SRSF3: variants seen among roughly 807,000 people sequenced by gnomAD.
The protein encoded by SRSF3 is serine/arginine-rich splicing factor 3.
For missense variants in SRSF3, 58 were observed against 217.1 expected, an observed-to-expected ratio of 0.27 and a Z score of 4.61; for synonymous variants, 87 against 73.6, an observed-to-expected ratio of 1.18 and a Z score of -0.93.
chr6:36,595,455 C>A (rs1009465012), intron 1 of SRSF3, among the ~76,000 whole-genome samples: 6 of 152,132 alleles, frequency 3.9e-5, no homozygotes, highest in African/African-American at 1.4e-4. Context: ...TCCGTCACCT[C>A]CCCCCGCAGG....
At chr6:36,598,164 A>G (rs564692274) in intron 2 of SRSF3, among the ~76,000 whole-genome samples, 1 of 152,358 alleles carries the variant, frequency 6.6e-6, no homozygotes, top group East Asian at 1.9e-4. Context: ...TCAAGGGAAG[A>G]AATCATAATG....
At chr6:36,597,954 C>T (rs1778659676) in intron 2 of SRSF3, among the ~76,000 whole-genome samples, 1 of 152,052 alleles carries the variant, frequency 6.6e-6, no homozygotes, top group Non-Finnish European at 1.5e-5. Context: ...CTCAGCCTCT[C>T]TGAGTGCTGG....
chr6:36,598,250 T>C (rs142400845), intron 2 of SRSF3, among the ~76,000 whole-genome samples: 16 of 152,370 alleles, frequency 1.1e-4, no homozygotes, highest in African/African-American at 3.8e-4. Flanking sequence ...AAATTAACAT[T>C]GAGCTCAGTA....
rs377627108 is a variant in SRSF3, at chr6:36,597,803, C to CTTTTT, written c.206+847_206+851dup. Among the ~76,000 whole-genome samples the CTTTTT allele has an allele frequency of 3.7e-3, 480 of 131,220 alleles. 1 individual carries two copies. Among genetic ancestry groups the CTTTTT allele is most frequent in the African/African-American group, 0.012 (442 of 35,566 alleles). 86.1% of individuals were successfully genotyped at this position (131,220 alleles called of 152,430 possible). A position where few individuals can be genotyped will look rare whatever the true frequency, so the allele number is the denominator to read the frequency against. ...TGTATTAAGGGTGAGGAATAATGGT[C>CTTTTT]TTTTTTTTTTTTTTTTACTACTGTG... On this transcript the variant is annotated intron_variant, in intron 2 of 5. Transcript: ENST00000373715.
chr6:36,595,837 G>A (rs1338130685), intron 1 of SRSF3, among the ~76,000 whole-genome samples: 1 of 152,074 alleles, frequency 6.6e-6, no homozygotes, highest in Non-Finnish European at 1.5e-5. Flanking sequence ...TTTTTACCGC[G>A]TAAGACTCTG....
rs1226727715 is a variant in SRSF3, at chr6:36,602,579, A to G, written c.*590A>G. 2.3e-5 allele frequency: 5 copies of G among 218,274 alleles called. No homozygotes were observed. Among genetic ancestry groups the G allele is most frequent in the African/African-American group, 4.5e-5 (2 of 44,514 alleles). 13.5% of individuals were successfully genotyped at this position (218,274 alleles called of 1,614,324 possible). A position where few individuals can be genotyped will look rare whatever the true frequency, so the allele number is the denominator to read the frequency against. On this transcript the variant is annotated 3_prime_UTR_variant, in exon 6 of 6. Transcript: ENST00000373715. ...CTTTGCTTTAGGTCATAAGTTCCTT[A>G]TTTGATTGCTGTATATGGATACATG... is the stretch of plus-strand genomic sequence containing the variant.
chr6:36,597,026 C>T (rs1778640557), intron 2 of SRSF3, 58 bp downstream of exon 2: 2 of 1,512,748 alleles, frequency 1.3e-6, no homozygotes, highest in Admixed American at 3.4e-5. Context: ...TATTTAAAAT[C>T]TACAGGATAT....
rs1331251812 is a variant in SRSF3, at chr6:36,604,444, TA to T, written c.*2456del. Reference sequence around the variant, plus strand: ...CCCAACATGGCAAGATTCACATTTCTATTAAAAGGAATATTTAGTTTGATCT... The same window carrying T: ...CCCAACATGGCAAGATTCACATTTCTTTAAAAGGAATATTTAGTTTGATCT... On this transcript the variant is annotated 3_prime_UTR_variant, in exon 6 of 6. Coordinates refer to ENST00000373715, the MANE Select transcript of SRSF3 (RefSeq NM_003017.5). 1 of 189,148 alleles carries T rather than the reference TA, an allele frequency of 5.3e-6. No homozygotes were observed. Among genetic ancestry groups the T allele is most frequent in the Non-Finnish European group, 1.1e-5 (1 of 89,976 alleles). The allele number at this position is 189,148 out of a possible 1,614,324, so 11.7% of individuals were successfully genotyped here. A position where few individuals can be genotyped will look rare whatever the true frequency, so the allele number is the denominator to read the frequency against.
intron 1 of SRSF3, chr6:36,594,769 T>C: frequency 6.6e-6 from 1 of 151,554 alleles, no homozygotes; most frequent in Admixed American, 6.6e-5. Flanking sequence ...ACGGCCTTTT[T>C]ATTTTTATGG....
intron 2 of SRSF3, 125 bp from the exon 3 acceptor site, chr6:36,598,724 T>G (rs968620872): frequency 1.7e-6 from 2 of 1,160,746 alleles, no homozygotes; most frequent in African/African-American, 3.1e-5. Flanking sequence ...GCTAGAAATT[T>G]GATGTTAAAT....
At position 36,601,252 on chromosome 6, in the gene SRSF3, C is replaced by CT. The variant is rs1196501602; in HGVS notation, c.380+66dup. ...TGGCAGTGTTTCTGCTATTCCTAAA[C>CT]TTTTCCAGGTGGCTTAGTTAATGGG... On this transcript the variant is annotated intron_variant, in intron 4 of 5. Transcript: ENST00000373715. 3 of 1,567,550 alleles carry CT rather than the reference C, an allele frequency of 1.9e-6. No individual in the cohort carries two copies. In the East Asian group the frequency reaches 6.8e-5, roughly 35 times the overall value.
In SRSF3 at chr6:36,601,137, T is replaced by A. The variant is rs1259674503; in HGVS notation, c.342-15T>A. 1 of 1,612,688 alleles carries A rather than the reference T, an allele frequency of 6.2e-7. No homozygotes were observed. The highest frequency in any genetic ancestry group is 8.5e-7 in the Non-Finnish European group (1 of 1,179,486). On this transcript the variant is annotated splice_polypyrimidine_tract_variant and intron_variant, in intron 3 of 5. Transcript: ENST00000373715. ...TAATTGATGATGAGCCTAATTTTCCTGTTTCTGCTTTTAGATCTCCAAGAA... is the reference window on the plus strand; with the variant it reads ...TAATTGATGATGAGCCTAATTTTCCAGTTTCTGCTTTTAGATCTCCAAGAA...
chr6:36,601,619 T>C (rs542925880), intron 4 of SRSF3, 89 bp from the exon 5 acceptor site: 13 of 1,223,284 alleles, frequency 1.1e-5, no homozygotes, highest in South Asian at 4.3e-5. Flanking sequence ...ATTGGAATTA[T>C]TGGCATGAGT....
In SRSF3 at chr6:36,596,758, C is replaced by T; in HGVS notation, c.-2-3C>T. 3.1e-6 allele frequency: 5 copies of T among 1,613,176 alleles called. No individual in the cohort carries two copies. The highest frequency in any genetic ancestry group is 3.4e-6 in the Non-Finnish European group (4 of 1,179,416). Reference sequence around the variant, plus strand: ...TGAATATTTTTGGTATTTTTCATTACAGAAATGCATCGTGATTCCTGTCCA... The same window carrying T: ...TGAATATTTTTGGTATTTTTCATTATAGAAATGCATCGTGATTCCTGTCCA... On this transcript the variant is annotated splice_region_variant and splice_polypyrimidine_tract_variant and intron_variant, in intron 1 of 5. Coordinates refer to ENST00000373715, the MANE Select transcript of SRSF3 (RefSeq NM_003017.5).
intron 3 of SRSF3, chr6:36,599,768 ATTT>A: frequency 7.8e-7 from 1 of 1,281,236 alleles, no homozygotes; most frequent in East Asian, 4.6e-5. Context: ...CTTGTTTTTC[ATTT>A]TTTTTGTGCT....
At chr6:36,598,229 C>T (rs1350473387) in intron 2 of SRSF3, among the ~76,000 whole-genome samples, 1 of 152,172 alleles carries the variant, frequency 6.6e-6, no homozygotes, top group Non-Finnish European at 1.5e-5. Context: ...ACTTAAATTG[C>T]AACTGTTAAC....
At position 36,604,868 on chromosome 6, in the gene SRSF3, G is replaced by GT. The variant is rs1288664514; in HGVS notation, c.*2882dup. ...ACCCTTGGTGATGTGAGAACCACTAGTTTAGTATTTTGTCCAAGTATGCTT... is the reference window on the plus strand; with the variant it reads ...ACCCTTGGTGATGTGAGAACCACTAGTTTTAGTATTTTGTCCAAGTATGCTT... On this transcript the variant is annotated 3_prime_UTR_variant, in exon 6 of 6. Coordinates refer to ENST00000373715, the MANE Select transcript of SRSF3 (RefSeq NM_003017.5). The GT allele has an allele frequency of 2.0e-5, 3 of 152,164 alleles. No individual in the cohort carries two copies. Among genetic ancestry groups the GT allele is most frequent in the Admixed American group, 6.5e-5 (1 of 15,276 alleles). The allele number at this position is 152,164 out of a possible 1,614,324, so 9.4% of individuals were successfully genotyped here. A position where few individuals can be genotyped will look rare whatever the true frequency, so the allele number is the denominator to read the frequency against.
rs761857232 is a variant in SRSF3, at chr6:36,598,819, G to GT, written c.207-26dup. ...AATACGCATGTCAGAAAGTCAGGCTGTTTTAAGTTTAATATCTTTGCCCCC... is the reference window on the plus strand; with the variant it reads ...AATACGCATGTCAGAAAGTCAGGCTGTTTTTAAGTTTAATATCTTTGCCCCC... On this transcript the variant is annotated intron_variant, in intron 2 of 5. Transcript: ENST00000373715. 79 of 1,607,210 alleles carry GT rather than the reference G, an allele frequency of 4.9e-5. 1 individual carries two copies. Among genetic ancestry groups the GT allele is most frequent in the Middle Eastern group, 4.4e-4 (2 of 4,530 alleles).
chr6:36,596,710 T>G, intron 1 of SRSF3, 51 bp from the exon 2 acceptor site: 1 of 1,527,868 alleles, frequency 6.5e-7, no homozygotes, highest in Non-Finnish European at 9.1e-7. Flanking sequence ...ATCTGTGGTT[T>G]TAACTGTAGA....
Sources: allele counts gnomAD v4.1 joint callset (sites outside exome capture counted in the v4.1 genomes callset), GRCh38; gene constraint gnomAD v4.1.1; transcripts MANE v1.5; gene names NCBI Gene and HGNC (gene_info 2026-07-23, HGNC 2026-07-21).